The following EFCAB8 variants were observed in gnomAD, a reference collection of about 807,000 sequenced individuals.
The protein encoded by EFCAB8 is EF-hand calcium binding domain 8.
A neutral mutation model predicts 116.3 loss-of-function variants in EFCAB8; 100 were observed. The observed-to-expected ratio is 0.86, with a 90% CI of 0.73 to 1.02. The LOEUF (loss-of-function observed/expected upper bound fraction) is 1.02. Ranked by LOEUF, EFCAB8 falls within the 50% of genes least tolerant of loss-of-function variation. EFCAB8 has a pLI of 0.00. For synonymous variants in EFCAB8, 558 were observed against 567.9 expected, an observed-to-expected ratio of 0.98 and a Z score of 0.25; for missense variants, 1,320 against 1,416.9, an observed-to-expected ratio of 0.93 and a Z score of 1.10.
Position 32,863,112 on chromosome 20 carries a change from G to A in EFCAB8, c.-10-671G>A, listed in dbSNP as rs138449076. 1.8e-3 allele frequency among the ~76,000 whole-genome samples: 273 copies of A among 151,986 alleles called. 1 individual carries two copies. The highest frequency in any genetic ancestry group is 6.0e-3 in the African/African-American group (250 of 41,430). On this transcript the variant is annotated intron_variant, in intron 1 of 26. Transcript: ENST00000400522. ...GGCTCAGTTGGTCTGCCCCCTGTGC[G>A]TGTCTTGGGCTTAACTATTTCTTGG...
chr20:32,868,677 CA>C (rs1984543602), intron 3 of EFCAB8, among the ~76,000 whole-genome samples: 1 of 152,108 alleles, frequency 6.6e-6, no homozygotes, highest in South Asian at 2.1e-4. Context: ...CAGGCTCTCA[CA>C]AGGCTGCAAT....
intron 20 of EFCAB8, among the ~76,000 whole-genome samples, chr20:32,922,018 G>A (rs1216589960): frequency 6.6e-6 from 1 of 151,892 alleles, no homozygotes; most frequent in East Asian, 1.9e-4. Context: ...TAGTAGAGTC[G>A]GGGTTTCACC....
At chr20:32,948,371 G>A (rs1988671960) in intron 23 of EFCAB8, among the ~76,000 whole-genome samples, 1 of 151,992 alleles carries the variant, frequency 6.6e-6, no homozygotes, top group South Asian at 2.1e-4. Flanking sequence ...GGCCTAAATG[G>A]CTTCCATGGT....
chr20:32,961,210 C>A lies in EFCAB8; in HGVS notation c.3468C>A (p.Ser1156Arg). The change falls in exon 27 of 27, where the codon AGC becomes AGA. Residue 1156 changes from serine to arginine, a missense_variant. Transcript: ENST00000400522. Reference sequence around the variant, plus strand: ...CTCAGCAGCCTGACTTCCTGACCAGCAGGGGCCCAGACCAGCAAGACCAGC... The same window carrying A: ...CTCAGCAGCCTGACTTCCTGACCAGAAGGGGCCCAGACCAGCAAGACCAGC... ...MPTQQPDFLT[S>R]RGPDQQDQHI... 6.4e-7 allele frequency: 1 copy of A among 1,552,116 alleles called. No homozygotes were observed. Among genetic ancestry groups the A allele is most frequent in the African/African-American group, 1.4e-5 (1 of 73,188 alleles).
intron 6 of EFCAB8, among the ~76,000 whole-genome samples, chr20:32,887,816 C>T (rs1368753672): frequency 6.6e-6 from 1 of 150,998 alleles, no homozygotes; most frequent in Non-Finnish European, 1.5e-5. Flanking sequence ...GTGCTGGGCA[C>T]CACCCTCAAT....
chr20:32,903,916 C>T lies in EFCAB8; in HGVS notation c.1089-2646C>T, dbSNP rs754846499. Among the ~76,000 whole-genome samples the T allele has an allele frequency of 3.3e-5, 5 of 152,106 alleles. 1 individual carries two copies. The highest frequency in any genetic ancestry group is 1.9e-4 in the East Asian group (1 of 5,196). On this transcript the variant is annotated intron_variant, in intron 11 of 26. Transcript: ENST00000400522. ...GCCCAGGCACCTGGCTTAGGCCCCC[C>T]GGGAGTGGTGGAGGAGCCGGGTCAG...
chr20:32,878,578 C>T (rs537457163), intron 4 of EFCAB8, 126 bp from the exon 5 acceptor site: 44 of 577,508 alleles, frequency 7.6e-5, no homozygotes, highest in African/African-American at 5.1e-4. Context: ...ACTGCAGTGG[C>T]GCAATCTCGG....
At chr20:32,938,986 TTCC>T (rs1988232913) in intron 22 of EFCAB8, among the ~76,000 whole-genome samples, 1 of 116,376 alleles carries the variant, frequency 8.6e-6, no homozygotes, top group African/African-American at 4.0e-5. Context: ...TTTCCTTCCC[TTCC>T]TTCCTTCCTT....
At chr20:32,866,826 T>TTCCC (rs1491550969) in intron 2 of EFCAB8, among the ~76,000 whole-genome samples, 58 of 138,136 alleles carry the variant, frequency 4.2e-4, no homozygotes, top group African/African-American at 1.5e-3. Flanking sequence ...CCTTCCTTCC[T>TTCCC]TCCCTCCTTC....
intron 20 of EFCAB8, among the ~76,000 whole-genome samples, chr20:32,923,799 A>AC (rs1173618808): frequency 6.6e-6 from 1 of 152,112 alleles, no homozygotes; most frequent in Non-Finnish European, 1.5e-5. Flanking sequence ...TTTACTAGTC[A>AC]CATCATGTCC....
chr20:32,917,436 C>G lies in EFCAB8; in HGVS notation c.1992C>G (p.Asn664Lys), dbSNP rs376940341. The G allele has an allele frequency of 7.2e-5, 112 of 1,552,114 alleles. No homozygotes were observed. The African/African-American group carries it at 1.5e-3, about 21-fold the overall frequency. The change falls in exon 18 of 27, where the codon AAC (asparagine) becomes AAG (lysine). Residue 664 changes from asparagine to lysine, a missense_variant. Physicochemically the swap from Asn to Lys is moderately conservative, Grantham distance 94 (BLOSUM62 0). Coordinates refer to ENST00000400522, the MANE Select transcript of EFCAB8 (RefSeq NM_001143967.2). ...ACAGTGGGGACATCCTCTTCTGGAA[C>G]ACCGGCACACTCAAGCCCATCTTCA... Reference protein sequence around the residue: ...SSYSGDILFWNTGTLKPIFNF... With the variant: ...SSYSGDILFWKTGTLKPIFNF...
Position 32,885,503 on chromosome 20 carries a change from A to G in EFCAB8, c.432-2A>G, listed in dbSNP as rs1423544531. 22 of 1,551,504 alleles carry G rather than the reference A, an allele frequency of 1.4e-5. No individual in the cohort carries two copies. The highest frequency in any genetic ancestry group is 1.7e-5 in the Non-Finnish European group (20 of 1,146,966). ...TCTTCTCTCTTTCATCGCCTCCCAC[A>G]GGAACCATGGCTGTGAGGTGGTGAA... is the stretch of plus-strand genomic sequence containing the variant. On this transcript the variant is annotated splice_acceptor_variant, in intron 5 of 26. Transcript: ENST00000400522. LOFTEE classifies it high-confidence loss of function.
chr20:32,917,112 T>G (rs912890557), intron 17 of EFCAB8, 189 bp from the exon 18 acceptor site: 7 of 592,458 alleles, frequency 1.2e-5, no homozygotes, highest in Non-Finnish European at 2.1e-5. Context: ...CAACAGGGCC[T>G]TTGTAGAAAG....
chr20:32,899,022 A>G (rs114964645), intron 11 of EFCAB8, among the ~76,000 whole-genome samples: 1,539 of 152,250 alleles, frequency 0.01, 23 homozygotes, highest in African/African-American at 0.033. Flanking sequence ...TTCTTTGCAG[A>G]TGGTTCCAAT....
chr20:32,956,557 T>C (rs1390166625), intron 23 of EFCAB8, among the ~76,000 whole-genome samples: 1 of 152,196 alleles, frequency 6.6e-6, no homozygotes, highest in East Asian at 1.9e-4. Context: ...TTTTACTGGG[T>C]ATAGAATTCT....
intron 6 of EFCAB8, among the ~76,000 whole-genome samples, chr20:32,888,593 T>G (rs1600386811): frequency 6.6e-6 from 1 of 152,144 alleles, no homozygotes; most frequent in Non-Finnish European, 1.5e-5. Flanking sequence ...TGGGCTCAAG[T>G]GATCCTCCCA....
intron 20 of EFCAB8, among the ~76,000 whole-genome samples, chr20:32,922,081 G>A (rs939805917): frequency 7.9e-5 from 12 of 151,940 alleles, no homozygotes; most frequent in African/African-American, 2.7e-4. Flanking sequence ...CACTGGCCTC[G>A]GCTTCCCAAA....
At chr20:32,866,623 C>G (rs891791081) in intron 2 of EFCAB8, among the ~76,000 whole-genome samples, 3 of 151,870 alleles carry the variant, frequency 2.0e-5, no homozygotes, top group Admixed American at 2.0e-4. Context: ...GGCAGGGAGG[C>G]CAGGGGTGGG....
At position 32,917,411 on chromosome 20, in the gene EFCAB8, A is replaced by G; in HGVS notation, c.1967A>G (p.Tyr656Cys). The change falls in exon 18 of 27, where the codon TAC (tyrosine) becomes TGC (cysteine). Residue 656 changes from tyrosine (Y) to cysteine (C), a missense_variant. Coordinates refer to ENST00000400522, the MANE Select transcript of EFCAB8 (RefSeq NM_001143967.2). ...AACCAGTTCCTTGGGACCTCCTCCTACAGTGGGGACATCCTCTTCTGGAAC... is the reference window on the plus strand; with the variant it reads ...AACCAGTTCCTTGGGACCTCCTCCTGCAGTGGGGACATCCTCTTCTGGAAC... The part of the protein sequence containing the change: ...YRNQFLGTSS[Y>C]SGDILFWNTG... The G allele has an allele frequency of 2.6e-6, 4 of 1,551,956 alleles. No individual in the cohort carries two copies. The highest frequency in any genetic ancestry group is 3.5e-6 in the Non-Finnish European group (4 of 1,147,034).
Sources: allele counts gnomAD v4.1 joint callset (sites outside exome capture counted in the v4.1 genomes callset), GRCh38; gene constraint gnomAD v4.1.1; transcripts MANE v1.5; gene names NCBI Gene and HGNC (gene_info 2026-07-23, HGNC 2026-07-21).